The following SLC22A2 variants were observed in gnomAD, a reference collection of about 807,000 sequenced individuals.
SLC22A2 encodes organic cation transporter 2.
In SLC22A2, 46 loss-of-function variants were observed where a neutral mutation model predicts 60.5. The ratio of observed to expected loss-of-function variants is 0.76; its 90% confidence interval spans 0.60 to 0.97. The LOEUF (loss-of-function observed/expected upper bound fraction) is 0.97. SLC22A2 is among the 50% of genes least tolerant of loss of function. The pLI is 0.00. For missense variants in SLC22A2, 701 were observed against 706.6 expected (o/e 0.99, Z 0.09); for synonymous variants, 303 against 267.0 (o/e 1.13, Z -1.31).
In SLC22A2 at chr6:160,234,701, T is replaced by G. The variant is rs315983; in HGVS notation, c.1501+6773A>C. Among the ~76,000 whole-genome samples, 149 of 152,150 alleles carry G rather than the reference T, an allele frequency of 9.8e-4. 1 individual carries two copies. The highest frequency in any genetic ancestry group is 1.9e-3 in the Non-Finnish European group (127 of 67,996). Reference sequence around the variant, plus strand: ...TAGGAATTTGGGGGTTCATGTCATATTTATCCCTAAAAATTATCTTGAACA... The same window carrying G: ...TAGGAATTTGGGGGTTCATGTCATAGTTATCCCTAAAAATTATCTTGAACA... On this transcript the variant is annotated intron_variant, in intron 9 of 10. Coordinates refer to ENST00000366953, the MANE Select transcript of SLC22A2 (RefSeq NM_003058.4).
chr6:160,252,747 A>C (rs1464246708), intron 2 of SLC22A2, among the ~76,000 whole-genome samples: 1 of 152,242 alleles, frequency 6.6e-6, no homozygotes, highest in East Asian at 1.9e-4. Flanking sequence ...CTGGATCAGA[A>C]TCTGAATTTT....
chr6:160,237,360 C>T (rs938840619), intron 9 of SLC22A2, among the ~76,000 whole-genome samples: 7 of 152,004 alleles, frequency 4.6e-5, no homozygotes, highest in African/African-American at 7.3e-5. Context: ...AACATATTGC[C>T]GTTTTACTCT....
chr6:160,258,396 G>A lies in SLC22A2; in HGVS notation c.362C>T (p.Pro121Leu), dbSNP rs773192589. 2 of 1,613,848 alleles carry A rather than the reference G, an allele frequency of 1.2e-6. No individual in the cohort carries two copies. The highest frequency in any genetic ancestry group is 2.2e-5 in the East Asian group (1 of 44,882). The change falls in exon 1 of 11, where the codon CCC becomes CTC. Residue 121 changes from proline to leucine, a missense_variant. Transcript: ENST00000366953. ...DTNRSRLPLG[P>L]CRDGWVYETP... ...CTCGTACACCCAGCCGTCCCGGCAG[G>A]GGCCCAGTGGCAGGCGGCTCCTGTT...
At chr6:160,244,302 C>T (rs1263594322) in intron 6 of SLC22A2, 4 of 154,288 alleles carry the variant, frequency 2.6e-5, no homozygotes, top group African/African-American at 7.2e-5. Flanking sequence ...TGGTCTTGAA[C>T]TCCTGGCTTC....
rs755926388 is a variant in SLC22A2 at position 160,231,356 on chromosome 6, G to A, written c.1502-6552C>T. Among the ~76,000 whole-genome samples, 14 of 151,462 alleles carry A rather than the reference G, an allele frequency of 9.2e-5. No homozygotes were observed. In the Middle Eastern group the frequency reaches 0.01, roughly 110 times the overall value. ...CTTCCCAACCCAAAGCCTCCTTTGC[G>A]TCTTCCTCTTGTATCCCCCAACCTT... On this transcript the variant is annotated intron_variant, in intron 9 of 10. Coordinates refer to ENST00000366953, the MANE Select transcript of SLC22A2 (RefSeq NM_003058.4).
intron 10 of SLC22A2, among the ~76,000 whole-genome samples, chr6:160,219,939 T>C (rs2114847663): frequency 6.6e-6 from 1 of 152,348 alleles, no homozygotes; most frequent in African/African-American, 2.4e-5. Context: ...GTGGAGGCTC[T>C]TGCCTCTATG....
chr6:160,230,189 A>G (rs565069451), intron 9 of SLC22A2, among the ~76,000 whole-genome samples: 3 of 151,510 alleles, frequency 2.0e-5, no homozygotes, highest in Admixed American at 2.0e-4. Context: ...CTATTCCCTG[A>G]CCCTATAATT....
intron 10 of SLC22A2, among the ~76,000 whole-genome samples, chr6:160,219,576 C>T (rs138855487): frequency 6.8e-6 from 1 of 147,242 alleles, no homozygotes; most frequent in African/African-American, 2.5e-5. Context: ...TGGTTTTGAG[C>T]AAGTCCTTTA....
chr6:160,227,442 C>T (rs539606445), intron 9 of SLC22A2, among the ~76,000 whole-genome samples: 1 of 152,282 alleles, frequency 6.6e-6, no homozygotes, highest in East Asian at 1.9e-4. Flanking sequence ...CTTTTCTGGA[C>T]CAAACTAATG....
intron 2 of SLC22A2, among the ~76,000 whole-genome samples, chr6:160,253,033 C>A (rs963438207): frequency 6.6e-6 from 1 of 152,154 alleles, no homozygotes; most frequent in Non-Finnish European, 1.5e-5. Flanking sequence ...TGATGCAGGA[C>A]AGGCAAGCAC....
At chr6:160,228,754 T>C (rs935669103) in intron 9 of SLC22A2, among the ~76,000 whole-genome samples, 2 of 151,928 alleles carry the variant, frequency 1.3e-5, no homozygotes, top group African/African-American at 4.9e-5. Flanking sequence ...GAAGTGAAAA[T>C]GGCCTGTTCC....
intron 7 of SLC22A2, among the ~76,000 whole-genome samples, chr6:160,242,896 A>T (rs1411355902): frequency 6.6e-6 from 1 of 152,112 alleles, no homozygotes; most frequent in Non-Finnish European, 1.5e-5. Context: ...TATCATATGG[A>T]ATAATTTCAC....
At position 160,224,704 on chromosome 6, in the gene SLC22A2, C is replaced by T. The variant is rs775256586; in HGVS notation, c.1601+1G>A. The T allele has an allele frequency of 3.8e-6, 6 of 1,597,404 alleles. No homozygotes were observed. The highest frequency in any genetic ancestry group is 4.3e-6 in the Non-Finnish European group (5 of 1,169,098). On this transcript the variant is annotated splice_donor_variant, in intron 10 of 10. Coordinates refer to ENST00000366953, the MANE Select transcript of SLC22A2 (RefSeq NM_003058.4). LOFTEE classifies it high-confidence loss of function. ...TTCATTTAGAACTTTCAACTGCCTA[C>T]CTTTGCATATTTTCGGCTTCCTCGA...
chr6:160,223,088 G>T (rs557913335), intron 10 of SLC22A2, among the ~76,000 whole-genome samples: 5 of 152,268 alleles, frequency 3.3e-5, no homozygotes, highest in Admixed American at 6.5e-5. Context: ...AAACATGAAG[G>T]TTTGGTAAAA....
At chr6:160,236,804 A>G (rs1782919176) in intron 9 of SLC22A2, among the ~76,000 whole-genome samples, 1 of 150,670 alleles carries the variant, frequency 6.6e-6, no homozygotes, top group South Asian at 2.1e-4. Flanking sequence ...CCTCAAGAGG[A>G]GAGGCATTTA....
rs1054355160 is a variant in SLC22A2, at chr6:160,253,442, A to G, written c.519-2740T>C. Among the ~76,000 whole-genome samples the G allele has an allele frequency of 4.6e-5, 7 of 152,256 alleles. No homozygotes were observed. The East Asian group carries it at 1.2e-3, about 25-fold the overall frequency. ...TGGCAATAGTAAACCGACATGGTGC[A>G]CTGGTGGTCATGTCTTATGGAAAGC... is the stretch of plus-strand genomic sequence containing the variant. On this transcript the variant is annotated intron_variant, in intron 2 of 10. Coordinates refer to ENST00000366953, the MANE Select transcript of SLC22A2 (RefSeq NM_003058.4).
At chr6:160,221,022 C>G (rs545947484) in intron 10 of SLC22A2, among the ~76,000 whole-genome samples, 1 of 152,174 alleles carries the variant, frequency 6.6e-6, no homozygotes, top group Admixed American at 6.5e-5. Context: ...ACCTGTCCTT[C>G]GAGCTTTGAA....
intron 9 of SLC22A2, among the ~76,000 whole-genome samples, chr6:160,240,572 G>A (rs1782982457): frequency 1.3e-5 from 2 of 152,170 alleles, no homozygotes; most frequent in Non-Finnish European, 2.9e-5. Context: ...TATAATGCTT[G>A]TAACAGCTAT....
chr6:160,249,227 CAAGAAG>C lies in SLC22A2; in HGVS notation c.825_830del (p.Phe275_Phe276del). ...CCAAATGGACTTACCAGTAATAGAG[CAAGAAG>C]AAGAAGTTGGGCAGAGAAACTGTGA... On this transcript the variant is annotated inframe_deletion, in exon 4 of 11. Coordinates refer to ENST00000366953, the MANE Select transcript of SLC22A2 (RefSeq NM_003058.4). 6.3e-7 allele frequency: 1 copy of C among 1,595,766 alleles called. No individual in the cohort carries two copies. The highest frequency in any genetic ancestry group is 1.1e-5 in the South Asian group (1 of 87,672).
Sources: gnomAD v4.1 joint callset for allele counts (sites outside exome capture counted in the v4.1 genomes callset) on GRCh38, gnomAD v4.1.1 for gene constraint, MANE v1.5 for transcripts, NCBI Gene and HGNC (gene_info 2026-07-23, HGNC 2026-07-21) for gene names.